The following EIPR1 variants were observed in gnomAD, a reference collection of about 807,000 sequenced individuals.
EIPR1 encodes the protein EARP complex and GARP complex interacting protein 1, also known as EARP and GARP complex-interacting protein 1.
A neutral mutation model predicts 48.1 loss-of-function variants in EIPR1; 25 were observed. The ratio of observed to expected loss-of-function variants is 0.52; its 90% CI spans 0.38 to 0.73. The LOEUF (loss-of-function observed/expected upper bound fraction) is 0.73, where lower values mean the gene tolerates loss of function less well. EIPR1 is among the 30% of genes least tolerant of loss of function. The pLI, the probability that EIPR1 is intolerant of heterozygous loss-of-function variation, is 0.00. For missense variants in EIPR1, 415 were observed against 506.2 expected (o/e 0.82, Z 1.73); for synonymous variants, 204 against 201.9 (o/e 1.01, Z -0.09).
chr2:3,203,902 C>T (rs1665134742), intron 5 of EIPR1, among the ~76,000 whole-genome samples: 1 of 152,224 alleles, frequency 6.6e-6, no homozygotes, highest in African/African-American at 2.4e-5. Flanking sequence ...CACATCCGAC[C>T]AGCAGCAAGC....
At chr2:3,251,238 A>T (rs1256482388) in intron 4 of EIPR1, among the ~76,000 whole-genome samples, 1 of 152,208 alleles carries the variant, frequency 6.6e-6, no homozygotes, top group African/African-American at 2.4e-5. Flanking sequence ...GCCCTCTGTA[A>T]GTTCCTACTC....
intron 4 of EIPR1, among the ~76,000 whole-genome samples, chr2:3,241,296 C>A (rs936127478): frequency 6.6e-6 from 1 of 152,196 alleles, no homozygotes; most frequent in African/African-American, 2.4e-5. Flanking sequence ...CAACTGCCAG[C>A]CAGAATTATG....
chr2:3,202,552 T>TAGAA (rs1196488872), intron 5 of EIPR1, among the ~76,000 whole-genome samples: 1 of 152,210 alleles, frequency 6.6e-6, no homozygotes, highest in Non-Finnish European at 1.5e-5. Context: ...GTCACACCTT[T>TAGAA]AGAAGGTAAT....
At chr2:3,202,809 C>T (rs1481409704) in intron 5 of EIPR1, among the ~76,000 whole-genome samples, 4 of 152,236 alleles carry the variant, frequency 2.6e-5, no homozygotes, top group Admixed American at 2.6e-4. Context: ...TAAAACACAT[C>T]CTAACCTTCA....
At chr2:3,200,149 AC>A (rs1664977985) in intron 5 of EIPR1, among the ~76,000 whole-genome samples, 1 of 152,060 alleles carries the variant, frequency 6.6e-6, no homozygotes, top group Non-Finnish European at 1.5e-5. Context: ...GGACAGGGGC[AC>A]CAGCAGGCTG....
At chr2:3,336,030 G>T (rs1670032959) in intron 3 of EIPR1, among the ~76,000 whole-genome samples, 1 of 152,182 alleles carries the variant, frequency 6.6e-6, no homozygotes, top group Non-Finnish European at 1.5e-5. Context: ...GCCTCGGGAA[G>T]ATCAGGAAGT....
chr2:3,303,787 C>T (rs1668830880), intron 3 of EIPR1, among the ~76,000 whole-genome samples: 1 of 152,202 alleles, frequency 6.6e-6, no homozygotes, highest in Admixed American at 6.5e-5. Flanking sequence ...GCTTCGCCCT[C>T]TGCTGGCAGA....
intron 3 of EIPR1, among the ~76,000 whole-genome samples, chr2:3,331,307 T>G (rs375277303): frequency 0.021 from 961 of 44,898 alleles, 40 homozygotes; most frequent in South Asian, 0.029. Context: ...ATGAGATGGT[T>G]TCAGCAGAGG....
chr2:3,365,664 T>G (rs1670954774), intron 1 of EIPR1, among the ~76,000 whole-genome samples: 1 of 150,086 alleles, frequency 6.7e-6, no homozygotes, highest in Non-Finnish European at 1.5e-5. Flanking sequence ...CCTGGGTACT[T>G]GAGATTAGGG....
intron 3 of EIPR1, among the ~76,000 whole-genome samples, chr2:3,323,542 G>A (rs34611475): frequency 6.6e-6 from 1 of 152,162 alleles, no homozygotes; most frequent in African/African-American, 2.4e-5. Flanking sequence ...ACAGGTCCAC[G>A]ATGGACATGG....
At chr2:3,235,434 A>AC (rs1666372976) in intron 4 of EIPR1, among the ~76,000 whole-genome samples, 2 of 94,258 alleles carry the variant, frequency 2.1e-5, no homozygotes, top group African/African-American at 7.2e-5. Flanking sequence ...ACACACACAC[A>AC]CACACGCGTG....
chr2:3,290,076 T>C (rs1436345553), intron 3 of EIPR1, among the ~76,000 whole-genome samples: 1 of 152,204 alleles, frequency 6.6e-6, no homozygotes, highest in African/African-American at 2.4e-5. Context: ...AAATTACACA[T>C]TTTCTTTTGT....
At chr2:3,256,182 T>C (rs1667149194) in intron 4 of EIPR1, among the ~76,000 whole-genome samples, 1 of 152,246 alleles carries the variant, frequency 6.6e-6, no homozygotes. Context: ...AGCCACAGAC[T>C]GCCTGACCCT....
At chr2:3,265,287 G>A (rs757188427) in intron 3 of EIPR1, among the ~76,000 whole-genome samples, 4 of 152,168 alleles carry the variant, frequency 2.6e-5, no homozygotes, top group Non-Finnish European at 4.4e-5. Context: ...TGGGGCTCAG[G>A]AAATACAGTT....
intron 5 of EIPR1, among the ~76,000 whole-genome samples, chr2:3,200,187 G>A (rs1264647710): frequency 2.6e-5 from 4 of 152,014 alleles, no homozygotes; most frequent in African/African-American, 4.8e-5. Context: ...GGACCTGTCC[G>A]CTCCCTCCCA....
chr2:3,203,974 G>C (rs567508880), intron 5 of EIPR1, among the ~76,000 whole-genome samples: 1 of 152,352 alleles, frequency 6.6e-6, no homozygotes, highest in South Asian at 2.1e-4. Context: ...AGAGGACCTA[G>C]CTGAGGTGTG....
chr2:3,361,573 G>A (rs367549627), intron 1 of EIPR1, among the ~76,000 whole-genome samples: 19 of 151,926 alleles, frequency 1.3e-4, no homozygotes, highest in African/African-American at 3.9e-4. Flanking sequence ...GTAAGCAGGC[G>A]AGGAGTGCTC....
chr2:3,343,142 T>C (rs1026352206), intron 2 of EIPR1, among the ~76,000 whole-genome samples: 1 of 152,194 alleles, frequency 6.6e-6, no homozygotes, highest in African/African-American at 2.4e-5. Flanking sequence ...CAGGAGCCCC[T>C]GGTCCTGGCA....
intron 4 of EIPR1, among the ~76,000 whole-genome samples, chr2:3,222,862 T>G (rs1255013058): frequency 6.6e-6 from 1 of 152,178 alleles, no homozygotes; most frequent in Non-Finnish European, 1.5e-5. Flanking sequence ...AGAAGCTTCG[T>G]GGCTTTCTGG....
Sources: gnomAD v4.1 joint callset for allele counts (sites outside exome capture counted in the v4.1 genomes callset) on GRCh38, gnomAD v4.1.1 for gene constraint, MANE v1.5 for transcripts, NCBI Gene and HGNC (gene_info 2026-07-23, HGNC 2026-07-21) for gene names.